FBXL20: variants seen among roughly 807,000 people sequenced by gnomAD.
FBXL20 encodes the protein F-box and leucine rich repeat protein 20, also known as F-box/LRR-repeat protein 20.
In FBXL20, 11 loss-of-function variants were observed where a neutral mutation model predicts 64.0. That is an observed-to-expected ratio of 0.17 (90% CI 0.11 to 0.28). The LOEUF is 0.28. Ranked by LOEUF, FBXL20 falls within the 10% of genes least tolerant of loss-of-function variation. The pLI is 1.00. For synonymous variants in FBXL20, 184 were observed against 189.0 expected, an observed-to-expected ratio of 0.97 and a Z score of 0.22; for missense variants, 303 against 526.2, an observed-to-expected ratio of 0.58 and a Z score of 4.15.
At chr17:39,285,148 C>T (rs2046978031) in intron 7 of FBXL20, among the ~76,000 whole-genome samples, 1 of 152,110 alleles carries the variant, frequency 6.6e-6, no homozygotes, top group African/African-American at 2.4e-5. Context: ...TCGTGATCTG[C>T]CTGCCTCGGC....
At chr17:39,334,332 C>T (rs915952399) in intron 2 of FBXL20, among the ~76,000 whole-genome samples, 6 of 152,082 alleles carry the variant, frequency 3.9e-5, no homozygotes, top group African/African-American at 7.2e-5. Flanking sequence ...ACAAACACTG[C>T]GGAAGGCAGC....
At chr17:39,291,354 TAGGG>T (rs1464074999) in intron 6 of FBXL20, among the ~76,000 whole-genome samples, 1 of 151,170 alleles carries the variant, frequency 6.6e-6, no homozygotes, top group African/African-American at 2.4e-5. Context: ...TTTTGGTAGG[TAGGG>T]AGGGAGGGAG....
At chr17:39,289,084 T>C (rs1384825651) in intron 6 of FBXL20, among the ~76,000 whole-genome samples, 1 of 152,172 alleles carries the variant, frequency 6.6e-6, no homozygotes, top group East Asian at 1.9e-4. Flanking sequence ...GGCTCCTTTC[T>C]AGGCACTTTA....
chr17:39,274,906 A>C (rs2046876268), intron 10 of FBXL20, 64 bp downstream of exon 10: 7 of 1,599,524 alleles, frequency 4.4e-6, no homozygotes, highest in Non-Finnish European at 5.1e-6. Context: ...AGTTCCAAGG[A>C]AGAAATATGG....
At chr17:39,336,594 G>A (rs550470775) in intron 2 of FBXL20, among the ~76,000 whole-genome samples, 198 of 152,306 alleles carry the variant, frequency 1.3e-3, no homozygotes, top group African/African-American at 4.7e-3. Context: ...GGGAGGCCAA[G>A]GTGGGTAAAT....
chr17:39,296,034 T>C (rs2047082548), intron 6 of FBXL20, among the ~76,000 whole-genome samples: 1 of 152,100 alleles, frequency 6.6e-6, no homozygotes, highest in African/African-American at 2.4e-5. Flanking sequence ...CACCAATGCA[T>C]CTTGAGGATA....
At chr17:39,393,854 T>C in intron 1 of FBXL20, among the ~76,000 whole-genome samples, 1 of 152,244 alleles carries the variant, frequency 6.6e-6, no homozygotes, top group East Asian at 1.9e-4. Context: ...ATTAAATACG[T>C]ATCTTTGTTT....
At chr17:39,326,236 C>A (rs543291243) in intron 2 of FBXL20, among the ~76,000 whole-genome samples, 1 of 152,124 alleles carries the variant, frequency 6.6e-6, no homozygotes, top group East Asian at 1.9e-4. Context: ...ATAAATTACC[C>A]AGTCTCAGGT....
chr17:39,303,557 C>T (rs747932937), intron 3 of FBXL20, 28 bp downstream of exon 3: 2 of 1,587,466 alleles, frequency 1.3e-6, no homozygotes, highest in African/African-American at 1.4e-5. Context: ...AGAAGGGGTC[C>T]CCCTGTAACT....
chr17:39,315,870 A>AGAGAGAGC (rs1267884348), intron 2 of FBXL20, among the ~76,000 whole-genome samples: 130 of 139,386 alleles, frequency 9.3e-4, no homozygotes, highest in Non-Finnish European at 1.1e-3. Context: ...AGAGAGAGAG[A>AGAGAGAGC]GCAACTGTAG....
In FBXL20 at chr17:39,299,039, G is replaced by T. The variant is rs1327105941; in HGVS notation, c.280C>A (p.Arg94=). Residue 94 remains arginine (R), a synonymous_variant, in exon 5 of 15, where the codon CGA becomes AGA. Transcript: ENST00000264658. ...NISKRCGGFL[R]KLSLRGCLGV... ...AGACATCCACGAAGACTTAACTTTCGTAAAAAGCCCCCACATCGTTTTGAA... is the reference window on the plus strand; with the variant it reads ...AGACATCCACGAAGACTTAACTTTCTTAAAAAGCCCCCACATCGTTTTGAA... 8 of 1,613,442 alleles carry T rather than the reference G, an allele frequency of 5.0e-6. No individual in the cohort carries two copies. The African/African-American group carries it at 8.0e-5, about 16-fold the overall frequency.
chr17:39,297,227 T>C, intron 5 of FBXL20, 32 bp from the exon 6 acceptor site: 1 of 1,393,578 alleles, frequency 7.2e-7, no homozygotes, highest in Non-Finnish European at 1.0e-6. Context: ...AGGTTTCAAA[T>C]GAAATAGGCC....
chr17:39,324,022 C>A (rs1165686918), intron 2 of FBXL20, among the ~76,000 whole-genome samples: 11 of 140,932 alleles, frequency 7.8e-5, no homozygotes, highest in Non-Finnish European at 1.4e-4. Context: ...CCTCCCCCCC[C>A]CACCCCCTGG....
chr17:39,401,832 C>T (rs556397198), upstream of FBXL20: 91 of 531,902 alleles, frequency 1.7e-4, no homozygotes, highest in Admixed American at 1.2e-3. Flanking sequence ...TGCGCGGCGG[C>T]GGCACGACCC....
At chr17:39,299,143 A>G in intron 4 of FBXL20, 59 bp from the exon 5 acceptor site, 1 of 1,160,724 alleles carries the variant, frequency 8.6e-7, no homozygotes. Flanking sequence ...AGAAAAGAAC[A>G]CATACTCATT....
chr17:39,295,274 G>T (rs1482668919), intron 6 of FBXL20, among the ~76,000 whole-genome samples: 4 of 152,108 alleles, frequency 2.6e-5, no homozygotes, highest in African/African-American at 9.7e-5. Flanking sequence ...GGTTCAAGGG[G>T]TTTTTTCTTT....
At chr17:39,336,138 G>A (rs1383654076) in intron 2 of FBXL20, among the ~76,000 whole-genome samples, 2 of 152,026 alleles carry the variant, frequency 1.3e-5, no homozygotes, top group East Asian at 3.9e-4. Flanking sequence ...GGGGAAGGGA[G>A]GGGGACTAGA....
intron 2 of FBXL20, among the ~76,000 whole-genome samples, chr17:39,310,154 A>T (rs1292500974): frequency 3.0e-5 from 2 of 66,804 alleles, no homozygotes; most frequent in Non-Finnish European, 5.6e-5. Context: ...CTACAAATTT[A>T]AAAAAAAAAA....
intron 5 of FBXL20, among the ~76,000 whole-genome samples, chr17:39,298,445 G>A (rs1336070850): frequency 6.6e-6 from 1 of 152,148 alleles, no homozygotes; most frequent in Non-Finnish European, 1.5e-5. Context: ...TAAGCTGGGT[G>A]CAGTGGCTCA....
Sources: gnomAD v4.1 joint callset for allele counts (sites outside exome capture counted in the v4.1 genomes callset) on GRCh38, gnomAD v4.1.1 for gene constraint, MANE v1.5 for transcripts, NCBI Gene and HGNC (gene_info 2026-07-23, HGNC 2026-07-21) for gene names.